The following MTCH2 variants were observed in gnomAD, a reference collection of about 807,000 sequenced individuals.
The protein encoded by MTCH2 is mitochondrial carrier homolog 2.
Under a neutral mutation model 50.6 loss-of-function variants are expected in MTCH2, and 25 were observed. The ratio of observed to expected loss-of-function variants is 0.49; its 90% CI spans 0.36 to 0.69. The LOEUF is 0.69. Among genes scored for constraint, MTCH2 ranks in the 30% least tolerant of loss-of-function variants. The probability of loss-of-function intolerance (pLI) is 0.00; values close to 1 mark genes in which losing one functional copy is unlikely to be tolerated. For missense variants in MTCH2, 273 were observed against 384.4 expected (o/e 0.71, Z 2.42); for synonymous variants, 106 against 132.0 (o/e 0.80, Z 1.35).
chr11:47,627,245 C>A, intron 9 of MTCH2, 118 bp from the exon 10 acceptor site: 1 of 705,330 alleles, frequency 1.4e-6, no homozygotes, highest in Non-Finnish European at 2.2e-6. Context: ...CACTCTGTCA[C>A]CCAGGCTGAA....
rs1234576396 is a variant in MTCH2, at chr11:47,640,096, A to G, written c.88-1045T>C. Among the ~76,000 whole-genome samples the G allele has an allele frequency of 2.0e-5, 3 of 152,120 alleles. No homozygotes were observed. The East Asian group carries it at 5.9e-4, about 30-fold the overall frequency. On this transcript the variant is annotated intron_variant, in intron 1 of 12. Transcript: ENST00000302503. Reference sequence around the variant, plus strand: ...GTAATCCCAGCACTTTGGGAGGCCAAGGTGGGCGGATCACCTGAGGTCAGG... The same window carrying G: ...GTAATCCCAGCACTTTGGGAGGCCAGGGTGGGCGGATCACCTGAGGTCAGG...
At chr11:47,613,098 G>A (rs1433675618), downstream of MTCH2, among the ~76,000 whole-genome samples, 1 of 151,716 alleles carries the variant, frequency 6.6e-6, no homozygotes, top group Non-Finnish European at 1.5e-5. Context: ...AGTAGAGACA[G>A]GATCTCACTA....
intron 8 of MTCH2, 160 bp from the exon 9 acceptor site, chr11:47,629,206 T>G (rs774700563): frequency 6.6e-6 from 4 of 606,680 alleles, no homozygotes; most frequent in Admixed American, 5.3e-5. Flanking sequence ...ACCTAGTTCA[T>G]TCTCGTTAAC....
chr11:47,635,498 A>G, intron 4 of MTCH2, 47 bp downstream of exon 4: 1 of 1,600,878 alleles, frequency 6.2e-7, no homozygotes, highest in Non-Finnish European at 8.6e-7. Flanking sequence ...AGCAGTAACA[A>G]CTTGCAAGGG....
the MTCH2 span, among the ~76,000 whole-genome samples, chr11:47,604,966 T>C: frequency 6.6e-6 from 1 of 152,120 alleles, no homozygotes; most frequent in Non-Finnish European, 1.5e-5. Context: ...AGTCTTGCTC[T>C]ATCTCCCAGG....
chr11:47,626,191 C>A (rs1371138363), intron 10 of MTCH2, among the ~76,000 whole-genome samples: 1 of 152,048 alleles, frequency 6.6e-6, no homozygotes, highest in Non-Finnish European at 1.5e-5. Context: ...GGATTACGGG[C>A]ATGCACCACC....
chr11:47,634,234 C>T (rs1429259291), intron 5 of MTCH2, among the ~76,000 whole-genome samples: 2 of 152,136 alleles, frequency 1.3e-5, no homozygotes, highest in Non-Finnish European at 2.9e-5. Flanking sequence ...TGCCACCACA[C>T]ACCTAGCTAA....
chr11:47,630,727 C>A, intron 7 of MTCH2, 113 bp from the exon 8 acceptor site: 1 of 977,764 alleles, frequency 1.0e-6, no homozygotes, highest in Non-Finnish European at 1.6e-6. Context: ...CCTTCCCTCA[C>A]ACTTTTCTAG....
At position 47,627,028 on chromosome 11, in the gene MTCH2, A is replaced by G. The variant is rs138651008; in HGVS notation, c.681+52T>C. The G allele has an allele frequency of 3.6e-4, 508 of 1,422,602 alleles. No individual in the cohort carries two copies. The African/African-American group carries it at 6.7e-3, about 19-fold the overall frequency. The allele number at this position is 1,422,602 out of a possible 1,614,324, so 88.1% of individuals were successfully genotyped here. ...CACAAGCCAGATTTAAAAGGAAAAC[A>G]AAACAAAACACAACTATTCCTAGAA... On this transcript the variant is annotated intron_variant, in intron 10 of 12. Coordinates refer to ENST00000302503, the MANE Select transcript of MTCH2 (RefSeq NM_014342.4).
intron 1 of MTCH2, among the ~76,000 whole-genome samples, 197 bp from the exon 2 acceptor site, chr11:47,639,248 C>T (rs1017472473): frequency 5.9e-5 from 9 of 152,110 alleles, no homozygotes; most frequent in African/African-American, 2.2e-4. Context: ...CAATAAACTC[C>T]AAGTTTCATT....
chr11:47,619,243 T>C (rs773802609), intron 12 of MTCH2, among the ~76,000 whole-genome samples: 5 of 152,214 alleles, frequency 3.3e-5, no homozygotes, highest in Non-Finnish European at 5.9e-5. Context: ...TATTTCTTTG[T>C]TTTTCTTTTT....
At chr11:47,628,224 T>C (rs1470156338) in intron 9 of MTCH2, among the ~76,000 whole-genome samples, 1 of 152,184 alleles carries the variant, frequency 6.6e-6, no homozygotes, top group African/African-American at 2.4e-5. Context: ...ATAAGACTGA[T>C]TCTCAAAAGG....
the MTCH2 span, among the ~76,000 whole-genome samples, chr11:47,609,569 G>A: frequency 7.0e-6 from 1 of 143,418 alleles, no homozygotes; most frequent in Non-Finnish European, 1.5e-5. Flanking sequence ...GGAGGTTGCA[G>A]TGAGTTGGGA....
At chr11:47,624,046 T>C (rs1425504127) in intron 11 of MTCH2, among the ~76,000 whole-genome samples, 2 of 151,720 alleles carry the variant, frequency 1.3e-5, no homozygotes, top group Non-Finnish European at 2.9e-5. Flanking sequence ...AGCAAGACTC[T>C]GTCTCAACAA....
chr11:47,638,669 A>C, intron 3 of MTCH2, 30 bp downstream of exon 3: 1 of 1,276,578 alleles, frequency 7.8e-7, no homozygotes, highest in Non-Finnish European at 1.0e-6. Flanking sequence ...AGCAACATCT[A>C]TGGGAAGATT....
chr11:47,641,970 A>C (rs139510121), intron 1 of MTCH2, among the ~76,000 whole-genome samples: 1 of 151,942 alleles, frequency 6.6e-6, no homozygotes, highest in East Asian at 1.9e-4. Context: ...TCTTCAACTG[A>C]GTATTTCGTG....
chr11:47,610,253 C>A, the MTCH2 span, among the ~76,000 whole-genome samples: 1 of 152,204 alleles, frequency 6.6e-6, no homozygotes, highest in Non-Finnish European at 1.5e-5. Flanking sequence ...GTAAGAGATG[C>A]AATTCCACTT....
At chr11:47,626,114 G>A (rs2097297937) in intron 10 of MTCH2, among the ~76,000 whole-genome samples, 1 of 151,534 alleles carries the variant, frequency 6.6e-6, no homozygotes, top group South Asian at 2.1e-4. Context: ...GGGTTCAAGC[G>A]ATTCTCCTGC....
downstream of MTCH2, among the ~76,000 whole-genome samples, chr11:47,614,405 C>T (rs1472284454): frequency 6.6e-6 from 1 of 152,076 alleles, no homozygotes; most frequent in African/African-American, 2.4e-5. Flanking sequence ...GTCTTGCTCC[C>T]TTATCTGCCA....
Sources: allele counts gnomAD v4.1 joint callset (sites outside exome capture counted in the v4.1 genomes callset), GRCh38; gene constraint gnomAD v4.1.1; transcripts MANE v1.5; gene names NCBI Gene and HGNC (gene_info 2026-07-23, HGNC 2026-07-21).